Variants in ARHGAP45 observed in about 807,000 individuals in gnomAD.
ARHGAP45 encodes Rho GTPase activating protein 45.
In ARHGAP45, 56 loss-of-function variants were observed where a neutral mutation model predicts 116.1. That is an observed-to-expected ratio of 0.48 (90% CI 0.39 to 0.60). ARHGAP45 has a LOEUF of 0.60. Among genes scored for constraint, ARHGAP45 ranks in the 20% least tolerant of loss-of-function variants. The pLI, the probability that ARHGAP45 is intolerant of heterozygous loss-of-function variation, is 0.00. For missense variants in ARHGAP45, 1,622 were observed against 1,601.0 expected, an observed-to-expected ratio of 1.01 and a Z score of -0.22; for synonymous variants, 866 against 701.7, an observed-to-expected ratio of 1.23 and a Z score of -3.70.
chr19:1,076,483 CTTTTTTTT>C (rs71174343), intron 10 of ARHGAP45, among the ~76,000 whole-genome samples: 17 of 64,976 alleles, frequency 2.6e-4, no homozygotes, highest in African/African-American at 1.0e-3. Context: ...TGGCAGTAGT[CTTTTTTTT>C]TTTTTTTTTT....
At position 1,073,753 on chromosome 19, in the gene ARHGAP45, G is replaced by T. The variant is rs373797070; in HGVS notation, c.723+7G>T. 3.8e-6 allele frequency: 6 copies of T among 1,581,468 alleles called. No homozygotes were observed. Among genetic ancestry groups the T allele is most frequent in the Non-Finnish European group, 5.2e-6 (6 of 1,163,186 alleles). On this transcript the variant is annotated splice_region_variant and intron_variant, in intron 5 of 22. Transcript: ENST00000313093. ...TCCTGGGGACTCGAGCCAGGTGAGT[G>T]GGGTGGGCCAGGGCCACCTGTGTCC...
intron 11 of ARHGAP45, among the ~76,000 whole-genome samples, chr19:1,079,299 G>A (rs944881434): frequency 1.3e-4 from 20 of 151,696 alleles, no homozygotes; most frequent in Admixed American, 3.3e-4. Flanking sequence ...CCAGGAGTTC[G>A]AAACCAGCCT....
In ARHGAP45 at chr19:1,085,985, A is replaced by G. The variant is rs1376628597; in HGVS notation, c.3390A>G (p.Glu1130=). ...GGRMTLGSCR[E]RQPEFV is the part of the protein sequence containing the mutation. ...GGATGACACTGGGCTCCTGCAGGGA[A>G]AGGCAGCCGGAATTCGTGTGAGCTG... is the stretch of plus-strand genomic sequence containing the variant. The change falls in exon 23 of 23, where the codon GAA becomes GAG. Residue 1130 remains glutamate (E), a synonymous_variant. Coordinates refer to ENST00000313093, the MANE Select transcript of ARHGAP45 (RefSeq NM_012292.5). 6.2e-7 allele frequency: 1 copy of G among 1,612,328 alleles called. No individual in the cohort carries two copies. The highest frequency in any genetic ancestry group is 8.5e-7 in the Non-Finnish European group (1 of 1,179,690).
intron 11 of ARHGAP45, among the ~76,000 whole-genome samples, chr19:1,078,826 C>A (rs1033236632): frequency 1.8e-4 from 27 of 151,934 alleles, no homozygotes; most frequent in African/African-American, 6.3e-4. Flanking sequence ...AAGCAATCTT[C>A]TCGCCTCAGC....
intron 21 of ARHGAP45, among the ~76,000 whole-genome samples, chr19:1,083,835 G>C (rs1391179902): frequency 6.6e-6 from 1 of 152,202 alleles, no homozygotes; most frequent in Non-Finnish European, 1.5e-5. Flanking sequence ...CCGCTTCCCA[G>C]GTTCAAGCGA....
intron 22 of ARHGAP45, among the ~76,000 whole-genome samples, 200 bp from the exon 23 acceptor site, chr19:1,085,460 C>T (rs560735071): frequency 1.3e-5 from 2 of 151,576 alleles, no homozygotes; most frequent in South Asian, 4.2e-4. Flanking sequence ...TCTCTCTCTC[C>T]TCCTCCCCGC....
chr19:1,077,141 C>T, intron 10 of ARHGAP45: 1 of 985,392 alleles, frequency 1.0e-6, no homozygotes, highest in Non-Finnish European at 1.2e-6. Flanking sequence ...TCCTGCCAAC[C>T]TGTGGGCGCC....
intron 2 of ARHGAP45, among the ~76,000 whole-genome samples, chr19:1,072,006 TCTG>T (rs2043149005): frequency 6.6e-6 from 1 of 152,054 alleles, no homozygotes; most frequent in Non-Finnish European, 1.5e-5. Context: ...GCCTGTACTC[TCTG>T]CTTTTTTCTT....
Position 1,067,423 on chromosome 19 carries a change from A to G in ARHGAP45, c.18A>G (p.Lys6=), listed in dbSNP as rs76139012. Residue 6 remains lysine (K), a synonymous_variant, in exon 1 of 23, where the codon AAA becomes AAG. Transcript: ENST00000313093. ...GCCCCATCATGTTCTCCAGGAAGAA[A>G]CGAGAGCTCATGAAAACCCCTTCCA... MFSRK[K]RELMKTPSIS... is the part of the protein sequence containing the mutation. The G allele has an allele frequency of 0.039, 61,854 of 1,599,988 alleles. 1,377 individuals are homozygous for G. The highest frequency in any genetic ancestry group is 0.046 in the Non-Finnish European group (53,545 of 1,174,170).
upstream of ARHGAP45, chr19:1,066,252 G>C (rs2043028726): frequency 9.0e-7 from 1 of 1,116,176 alleles, no homozygotes; most frequent in Non-Finnish European, 1.3e-6. Context: ...GGGAGACTTG[G>C]GGAGGGGGGA....
intron 10 of ARHGAP45, 94 bp downstream of exon 10, chr19:1,074,973 G>A: frequency 1.8e-6 from 2 of 1,096,254 alleles, no homozygotes; most frequent in Non-Finnish European, 2.4e-6. Context: ...GCCCTGCGGC[G>A]AGCTCCGCAC....
chr19:1,073,683 G>A lies in ARHGAP45; in HGVS notation c.660G>A (p.Glu220=). 3.7e-6 allele frequency: 6 copies of A among 1,607,230 alleles called. No individual in the cohort carries two copies. The highest frequency in any genetic ancestry group is 5.1e-6 in the Non-Finnish European group (6 of 1,176,536). The part of the protein sequence containing the change: ...IAVAFSSTVS[E]FLMGEVDSST... ...CTCGCTGGCCCTGCAGAGTGTCCGA[G>A]TTCCTCATGGGTGAAGTGGACAGCA... The change falls in exon 5 of 23, where the codon GAG becomes GAA. Residue 220 remains glutamate, a synonymous_variant. Transcript: ENST00000313093.
In ARHGAP45 at chr19:1,082,956, G is replaced by C; in HGVS notation, c.2634G>C (p.Ser878=). The change falls in exon 20 of 23, where the codon TCG becomes TCC. Residue 878 remains serine, a synonymous_variant. Transcript: ENST00000313093. The part of the protein sequence containing the change: ...KAASRGRQDG[S]ESEAVAVALA... Reference sequence around the variant, plus strand: ...CGTCCCGGGGCCGGCAGGACGGCTCGGAGAGCGAGGCAGTGGCGGTGGCCC... The same window carrying C: ...CGTCCCGGGGCCGGCAGGACGGCTCCGAGAGCGAGGCAGTGGCGGTGGCCC... 1 of 1,570,338 alleles carries C rather than the reference G, an allele frequency of 6.4e-7. No homozygotes were observed. Among genetic ancestry groups the C allele is most frequent in the Non-Finnish European group, 8.6e-7 (1 of 1,162,316 alleles).
chr19:1,066,255 A>T, upstream of ARHGAP45: 19 of 476,540 alleles, frequency 4.0e-5, no homozygotes, highest in East Asian at 2.1e-4. Flanking sequence ...AGACTTGGGG[A>T]GGGGGGAGAG....
intron 10 of ARHGAP45, among the ~76,000 whole-genome samples, chr19:1,075,927 G>C (rs1299975448): frequency 6.6e-6 from 1 of 152,170 alleles, no homozygotes; most frequent in Admixed American, 6.5e-5. Context: ...TTGTACACAC[G>C]AGGACAGCTC....
At chr19:1,084,914 T>A (rs1443432537) in intron 22 of ARHGAP45, among the ~76,000 whole-genome samples, 1 of 152,140 alleles carries the variant, frequency 6.6e-6, no homozygotes, top group East Asian at 1.9e-4. Context: ...AAATCCCATC[T>A]CTACTAAAAA....
chr19:1,081,800 C>T (rs1346082397), intron 18 of ARHGAP45, 24 bp from the exon 19 acceptor site: 9 of 1,591,108 alleles, frequency 5.7e-6, no homozygotes, highest in African/African-American at 1.3e-5. Context: ...GCTGATGGGC[C>T]TCCCCACCCC....
At position 1,074,090 on chromosome 19, in the gene ARHGAP45, C is replaced by T; in HGVS notation, c.791-14C>T. ...CGGGTCGGGCCAGGCTGAGCAGGCC[C>T]CCGTTCCCTGCAGGCTGCCTGCCCG... On this transcript the variant is annotated splice_polypyrimidine_tract_variant and intron_variant, in intron 6 of 22. Transcript: ENST00000313093. 3.1e-6 allele frequency: 5 copies of T among 1,610,484 alleles called. No individual in the cohort carries two copies. Among genetic ancestry groups the T allele is most frequent in the Non-Finnish European group, 3.4e-6 (4 of 1,178,576 alleles).
Position 1,069,314 on chromosome 19 carries a change from C to T in ARHGAP45, c.421+570C>T, listed in dbSNP as rs946056147. ...TGCAGGCCGGCAGTTCCGTTTTCTCCTCCACGCGGCCGCTGACAGCCCTGC... is the reference window on the plus strand; with the variant it reads ...TGCAGGCCGGCAGTTCCGTTTTCTCTTCCACGCGGCCGCTGACAGCCCTGC... On this transcript the variant is annotated intron_variant, in intron 2 of 22. Coordinates refer to ENST00000313093, the MANE Select transcript of ARHGAP45 (RefSeq NM_012292.5). The surrounding 1 kb of genome is among the most constrained non-coding windows in gnomAD (Gnocchi z 4.1). 6.6e-6 allele frequency among the ~76,000 whole-genome samples: 1 copy of T among 152,164 alleles called. No homozygotes were observed. The highest frequency in any genetic ancestry group is 2.1e-4 in the South Asian group (1 of 4,832).
Sources: allele counts gnomAD v4.1 joint callset (sites outside exome capture counted in the v4.1 genomes callset), GRCh38; gene constraint gnomAD v4.1.1; non-coding constraint Gnocchi (gnomAD v3.1); transcripts MANE v1.5; gene names NCBI Gene and HGNC (gene_info 2026-07-23, HGNC 2026-07-21).